MGAT4C: variants seen among roughly 807,000 people sequenced by gnomAD.
MGAT4C encodes alpha-1,3-mannosyl-glycoprotein 4-beta-N-acetylglucosaminyltransferase C.
MGAT4C carries 19 observed loss-of-function variants against 40.1 expected under a neutral mutation model. The ratio of observed to expected loss-of-function variants is 0.47; its 90% CI spans 0.33 to 0.70. MGAT4C has a LOEUF of 0.70. Ranked by LOEUF, MGAT4C falls within the 30% of genes least tolerant of loss-of-function variation. MGAT4C has a pLI of 0.02. For missense variants in MGAT4C, 491 were observed against 563.2 expected, an observed-to-expected ratio of 0.87 and a Z score of 1.30; for synonymous variants, 181 against 187.1, an observed-to-expected ratio of 0.97 and a Z score of 0.27.
intron 3 of MGAT4C, among the ~76,000 whole-genome samples, chr12:86,408,495 A>ATATATATATATATATATATT (rs1956531776): frequency 7.3e-6 from 1 of 137,746 alleles, no homozygotes; most frequent in Non-Finnish European, 1.6e-5. Flanking sequence ...ATATATATAT[A>ATATATATATATATATATATT]TATATATATA....
intron 2 of MGAT4C, among the ~76,000 whole-genome samples, chr12:86,624,936 T>C (rs895377753): frequency 2.0e-5 from 3 of 152,064 alleles, no homozygotes; most frequent in African/African-American, 7.2e-5. Flanking sequence ...AAATCTCATC[T>C]CAAATTGTAA....
chr12:86,172,819 A>G (rs1886993898), intron 1 of MGAT4C, among the ~76,000 whole-genome samples: 1 of 152,152 alleles, frequency 6.6e-6, no homozygotes, highest in Non-Finnish European at 1.5e-5. Context: ...TGTTGCTGAC[A>G]GAGTCCCAAA....
intron 1 of MGAT4C, among the ~76,000 whole-genome samples, chr12:86,827,025 A>G (rs963909205): frequency 2.6e-5 from 4 of 151,508 alleles, no homozygotes; most frequent in African/African-American, 9.7e-5. Flanking sequence ...TAGAAAAATC[A>G]ATTCATATAT....
chr12:86,609,716 C>T (rs576697168), intron 2 of MGAT4C, among the ~76,000 whole-genome samples: 1 of 150,562 alleles, frequency 6.6e-6, no homozygotes, highest in South Asian at 2.1e-4. Context: ...CCCTCAAACC[C>T]TACTTAAAAA....
intron 1 of MGAT4C, among the ~76,000 whole-genome samples, chr12:86,774,317 T>TTCTTTC (rs1555227762): frequency 3.0e-5 from 2 of 66,414 alleles, no homozygotes; most frequent in Non-Finnish European, 6.9e-5. Flanking sequence ...CTTTCTTTCT[T>TTCTTTC]TCTTTCTTTC....
intron 2 of MGAT4C, among the ~76,000 whole-genome samples, chr12:86,524,361 C>T (rs775395269): frequency 1.6e-4 from 24 of 152,060 alleles, no homozygotes; most frequent in Non-Finnish European, 2.9e-4. Context: ...CTTAGTTTGG[C>T]CAGATATGAA....
At chr12:86,360,458 T>C (rs1455583218) in intron 3 of MGAT4C, among the ~76,000 whole-genome samples, 1 of 152,142 alleles carries the variant, frequency 6.6e-6, no homozygotes, top group East Asian at 1.9e-4. Context: ...CCACTTCTAT[T>C]CAACATAGTG....
chr12:86,758,882 T>C (rs1169512368), intron 1 of MGAT4C, among the ~76,000 whole-genome samples: 4 of 152,040 alleles, frequency 2.6e-5, no homozygotes, highest in Non-Finnish European at 5.9e-5. Context: ...TTGTCATTTA[T>C]TTATATGAGA....
intron 1 of MGAT4C, among the ~76,000 whole-genome samples, chr12:86,788,203 A>C (rs1246824055): frequency 6.6e-6 from 1 of 151,172 alleles, no homozygotes; most frequent in African/African-American, 2.4e-5. Flanking sequence ...AATACATAGG[A>C]TATCAAATTA....
At chr12:86,675,982 A>AC (rs942569418) in intron 2 of MGAT4C, among the ~76,000 whole-genome samples, 2 of 151,614 alleles carry the variant, frequency 1.3e-5, no homozygotes, top group East Asian at 1.9e-4. Flanking sequence ...CAAAAAAAAA[A>AC]AACATTCATT....
At chr12:85,998,275 T>A (rs1886871982) in intron 2 of MGAT4C, among the ~76,000 whole-genome samples, 2 of 152,084 alleles carry the variant, frequency 1.3e-5, no homozygotes, top group African/African-American at 2.4e-5. Context: ...TGAAACCATT[T>A]TTTCCTCCTG....
intron 2 of MGAT4C, among the ~76,000 whole-genome samples, chr12:86,565,923 C>T (rs1280534838): frequency 6.6e-6 from 1 of 152,132 alleles, no homozygotes; most frequent in Non-Finnish European, 1.5e-5. Context: ...ACATGGACTT[C>T]CACTCACCAA....
At chr12:86,319,637 G>C (rs1342450785) in intron 4 of MGAT4C, among the ~76,000 whole-genome samples, 1 of 152,168 alleles carries the variant, frequency 6.6e-6, no homozygotes, top group Non-Finnish European at 1.5e-5. Context: ...ACACTAGGAT[G>C]TTGTCTCTAT....
chr12:86,434,712 C>G (rs1300715564), intron 3 of MGAT4C, among the ~76,000 whole-genome samples: 1 of 151,828 alleles, frequency 6.6e-6, no homozygotes, highest in Non-Finnish European at 1.5e-5. Flanking sequence ...ATAGAGTGGT[C>G]AAAAATATCT....
intron 2 of MGAT4C, among the ~76,000 whole-genome samples, chr12:86,641,862 T>G (rs1963400613): frequency 6.6e-6 from 1 of 151,992 alleles, no homozygotes; most frequent in East Asian, 1.9e-4. Context: ...AGTGAAATAA[T>G]GTATGGAGAA....
At chr12:86,012,969 A>G (rs939851818) in intron 2 of MGAT4C, among the ~76,000 whole-genome samples, 1 of 51,394 alleles carries the variant, frequency 1.9e-5, no homozygotes, top group Non-Finnish European at 5.1e-5. Context: ...ACGAAAATTA[A>G]AAAAAAAAAA....
intron 3 of MGAT4C, among the ~76,000 whole-genome samples, chr12:86,343,589 A>G (rs985700293): frequency 2.6e-5 from 4 of 152,198 alleles, no homozygotes; most frequent in African/African-American, 9.6e-5. Context: ...ATGGTTCAAA[A>G]CATTAAAAAA....
chr12:86,530,380 A>G (rs1958961106), intron 2 of MGAT4C, among the ~76,000 whole-genome samples: 1 of 152,002 alleles, frequency 6.6e-6, no homozygotes, highest in African/African-American at 2.4e-5. Flanking sequence ...TCTTATTTCT[A>G]TCCCACTTCT....
intron 1 of MGAT4C, among the ~76,000 whole-genome samples, chr12:86,119,399 C>T (rs906095748): frequency 6.6e-5 from 10 of 151,908 alleles, no homozygotes; most frequent in African/African-American, 9.7e-5. Flanking sequence ...TGACAAACTC[C>T]CGTTTTCATT....
Sources: allele counts gnomAD v4.1 joint callset (sites outside exome capture counted in the v4.1 genomes callset), GRCh38; gene constraint gnomAD v4.1.1; transcripts MANE v1.5; gene names NCBI Gene and HGNC (gene_info 2026-07-23, HGNC 2026-07-21).